PPP2R2B: variants seen among roughly 807,000 people sequenced by gnomAD.
The protein encoded by PPP2R2B is protein phosphatase 2 regulatory subunit Bbeta, also known as serine/threonine-protein phosphatase 2A 55 kDa regulatory subunit B beta isoform.
PPP2R2B carries 5 observed loss-of-function variants against 46.0 expected under a neutral mutation model. That is an observed-to-expected ratio of 0.11 (90% CI 0.06 to 0.23). The LOEUF (loss-of-function observed/expected upper bound fraction) is 0.23. Ranked by LOEUF, PPP2R2B falls within the 10% of genes least tolerant of loss-of-function variation. PPP2R2B has a pLI of 1.00. For missense variants in PPP2R2B, 367 were observed against 575.0 expected (o/e 0.64, Z 3.70); for synonymous variants, 215 against 206.7 (o/e 1.04, Z -0.34).
At chr5:146,753,406 A>G (rs939226905) in intron 2 of PPP2R2B, among the ~76,000 whole-genome samples, 2 of 152,226 alleles carry the variant, frequency 1.3e-5, no homozygotes, top group Non-Finnish European at 2.9e-5. Context: ...ATAAGTTTGT[A>G]TTGAATAAAT....
At chr5:146,682,373 G>T (rs1778232296) in intron 5 of PPP2R2B, among the ~76,000 whole-genome samples, 1 of 152,120 alleles carries the variant, frequency 6.6e-6, no homozygotes, top group Admixed American at 6.6e-5. Context: ...AGGAGAAAGG[G>T]ATTAACATAA....
chr5:146,907,330 A>C (rs182034739), intron 1 of PPP2R2B, among the ~76,000 whole-genome samples: 11 of 152,308 alleles, frequency 7.2e-5, no homozygotes, highest in African/African-American at 2.6e-4. Context: ...CATTTTCCTG[A>C]AGCTCAGCTC....
At chr5:146,827,852 T>C (rs1040918825) in intron 2 of PPP2R2B, among the ~76,000 whole-genome samples, 6 of 152,284 alleles carry the variant, frequency 3.9e-5, no homozygotes, top group Admixed American at 1.3e-4. Context: ...AAGGGGATCA[T>C]GGAGAAAGAG....
intron 1 of PPP2R2B, among the ~76,000 whole-genome samples, chr5:146,968,463 C>T (rs1032789798): frequency 2.0e-5 from 3 of 152,082 alleles, no homozygotes; most frequent in African/African-American, 7.2e-5. Flanking sequence ...TGCTATGTGT[C>T]GGGCTAACAT....
chr5:146,899,049 TG>T (rs1561504352), intron 1 of PPP2R2B, among the ~76,000 whole-genome samples: 1 of 151,758 alleles, frequency 6.6e-6, no homozygotes, highest in Non-Finnish European at 1.5e-5. Context: ...GTTCAACCAT[TG>T]TGGAAGTCAG....
At chr5:146,857,972 G>A (rs985175014) in intron 2 of PPP2R2B, among the ~76,000 whole-genome samples, 30 of 152,350 alleles carry the variant, frequency 2.0e-4, no homozygotes, top group African/African-American at 6.7e-4. Flanking sequence ...ACAGGCATAA[G>A]CCACCATGCC....
chr5:146,859,958 T>C (rs1760889798), intron 2 of PPP2R2B, among the ~76,000 whole-genome samples: 1 of 151,802 alleles, frequency 6.6e-6, no homozygotes, highest in Non-Finnish European at 1.5e-5. Flanking sequence ...ATGAAGAAAA[T>C]ATGGTATTTA....
At chr5:147,059,819 C>T (rs188181336), upstream of PPP2R2B, among the ~76,000 whole-genome samples, 1 of 152,270 alleles carries the variant, frequency 6.6e-6, no homozygotes, top group African/African-American at 2.4e-5. Context: ...TTCTGCCCTG[C>T]CAAGTCCAGC....
chr5:147,010,745 A>G (rs1166711747), intron 1 of PPP2R2B, among the ~76,000 whole-genome samples: 1 of 152,078 alleles, frequency 6.6e-6, no homozygotes, highest in Non-Finnish European at 1.5e-5. Context: ...ACGGATCGGT[A>G]GTAATCTGTG....
intron 3 of PPP2R2B, among the ~76,000 whole-genome samples, chr5:146,700,816 G>A (rs753844904): frequency 1.1e-4 from 16 of 152,178 alleles, no homozygotes; most frequent in Non-Finnish European, 2.1e-4. Context: ...TTGTTTTGCA[G>A]GTGTAACATC....
chr5:146,880,461 G>A (rs563839579), upstream of PPP2R2B, among the ~76,000 whole-genome samples: 7 of 152,264 alleles, frequency 4.6e-5, no homozygotes, highest in Middle Eastern at 3.4e-3. Context: ...ACACATTGCA[G>A]CTTCTCTTGG....
intron 1 of PPP2R2B, among the ~76,000 whole-genome samples, chr5:147,025,680 A>C (rs1445761113): frequency 1.3e-5 from 2 of 152,066 alleles, no homozygotes; most frequent in African/African-American, 2.4e-5. Flanking sequence ...ACCTGATAAA[A>C]GGACTTGGAT....
intron 2 of PPP2R2B, among the ~76,000 whole-genome samples, chr5:146,829,270 C>T (rs1048805727): frequency 1.8e-4 from 27 of 152,140 alleles, no homozygotes; most frequent in African/African-American, 6.0e-4. Flanking sequence ...AGAAAAAAAC[C>T]TATTTTTTAA....
At chr5:146,968,707 T>C (rs1470955155) in intron 1 of PPP2R2B, among the ~76,000 whole-genome samples, 6 of 152,220 alleles carry the variant, frequency 3.9e-5, no homozygotes, top group Non-Finnish European at 5.9e-5. Context: ...GACAATTAAC[T>C]AACAATAAAT....
intron 1 of PPP2R2B, among the ~76,000 whole-genome samples, chr5:147,017,143 C>A (rs958303777): frequency 6.6e-6 from 1 of 151,534 alleles, no homozygotes; most frequent in African/African-American, 2.4e-5. Flanking sequence ...AAATGGAATG[C>A]CCAAGCCAGA....
chr5:146,862,922 T>C (rs1028139655), intron 2 of PPP2R2B, among the ~76,000 whole-genome samples: 2 of 150,710 alleles, frequency 1.3e-5, no homozygotes, highest in African/African-American at 2.4e-5. Flanking sequence ...CTAAGACTTA[T>C]AGGAAAAATT....
intron 3 of PPP2R2B, among the ~76,000 whole-genome samples, 176 bp from the exon 4 acceptor site, chr5:146,698,320 ATAT>A (rs1561841551): frequency 0.067 from 4,781 of 71,164 alleles, 295 homozygotes; most frequent in East Asian, 0.13. Context: ...AAAAAAAAAT[ATAT>A]ATATATATAT....
intron 2 of PPP2R2B, among the ~76,000 whole-genome samples, chr5:146,795,796 T>C (rs1030521550): frequency 1.3e-5 from 2 of 152,110 alleles, no homozygotes; most frequent in African/African-American, 4.8e-5. Context: ...GTTTTGTCAA[T>C]TACATCTCAA....
chr5:146,816,056 C>T (rs997546008), intron 2 of PPP2R2B, among the ~76,000 whole-genome samples: 6 of 152,148 alleles, frequency 3.9e-5, no homozygotes, highest in South Asian at 4.1e-4. Context: ...GAAACCTCCA[C>T]TATCTTGACC....
Sources: allele counts gnomAD v4.1 joint callset (sites outside exome capture counted in the v4.1 genomes callset), GRCh38; gene constraint gnomAD v4.1.1; transcripts MANE v1.5; gene names NCBI Gene and HGNC (gene_info 2026-07-23, HGNC 2026-07-21).